The following SLC44A5 variants were observed in gnomAD, a reference collection of about 807,000 sequenced individuals.
SLC44A5 encodes the protein choline transporter-like protein 5.
A neutral mutation model predicts 101.8 loss-of-function variants in SLC44A5; 57 were observed. The observed-to-expected ratio is 0.56, with a 90% CI of 0.45 to 0.70. The LOEUF (loss-of-function observed/expected upper bound fraction) is 0.70. Among genes scored for constraint, SLC44A5 ranks in the 30% least tolerant of loss-of-function variants. The pLI is 0.00. For synonymous variants in SLC44A5, 281 were observed against 290.9 expected (o/e 0.97, Z 0.35); for missense variants, 737 against 853.1 (o/e 0.86, Z 1.70).
chr1:75,238,583 CTATTGT>C lies in SLC44A5; in HGVS notation c.580_585del (p.Thr194_Ile195del). ...CCATCTTGAAACATCATCTTACTTC[CTATTGT>C]TAAAGTGCCATTTTTGGTAGAGAAG... On this transcript the variant is annotated inframe_deletion, in exon 10 of 24. Transcript: ENST00000370859. 6.3e-7 allele frequency: 1 copy of C among 1,593,152 alleles called. No homozygotes were observed. The highest frequency in any genetic ancestry group is 8.6e-7 in the Non-Finnish European group (1 of 1,169,246).
At chr1:75,227,602 T>C (rs919330161) in intron 13 of SLC44A5, 124 bp downstream of exon 13, 3 of 676,584 alleles carry the variant, frequency 4.4e-6, no homozygotes, top group Non-Finnish European at 6.8e-6. Context: ...TATAGACACA[T>C]TACTTTTTAT....
chr1:75,396,635 C>T lies in SLC44A5; in HGVS notation c.14-14G>A. ...CTGCTGGTTTTTCTAGGAAAAAGCA[C>T]AAAAGGCAAAAAAAATATTTGTAGG... On this transcript the variant is annotated splice_polypyrimidine_tract_variant and intron_variant, in intron 2 of 23. Transcript: ENST00000370859. The T allele has an allele frequency of 1.2e-5, 20 of 1,609,006 alleles. No individual in the cohort carries two copies. The highest frequency in any genetic ancestry group is 1.7e-5 in the Non-Finnish European group (20 of 1,176,236).
chr1:75,417,368 T>C (rs1439370814), intron 2 of SLC44A5, among the ~76,000 whole-genome samples: 1 of 152,228 alleles, frequency 6.6e-6, no homozygotes, highest in Admixed American at 6.5e-5. Context: ...CATGGAACTG[T>C]AAGTCCAAAT....
At chr1:75,280,558 A>G (rs1570560403) in intron 5 of SLC44A5, among the ~76,000 whole-genome samples, 1 of 145,254 alleles carries the variant, frequency 6.9e-6, no homozygotes, top group East Asian at 2.0e-4. Context: ...CACTAGGGCT[A>G]ATTCCATATG....
At chr1:75,416,709 A>G (rs1256994893) in intron 2 of SLC44A5, among the ~76,000 whole-genome samples, 1 of 152,202 alleles carries the variant, frequency 6.6e-6, no homozygotes, top group Non-Finnish European at 1.5e-5. Flanking sequence ...GCCTAAGACC[A>G]TGGGAACCCA....
chr1:75,720,924 TGGTTAA>T, the SLC44A5 span, among the ~76,000 whole-genome samples: 3 of 152,134 alleles, frequency 2.0e-5, no homozygotes, highest in Non-Finnish European at 4.4e-5. Context: ...GGCTGACACT[TGGTTAA>T]GTTTATCTAA....
chr1:75,583,631 T>A (rs781604073), intron 1 of SLC44A5, among the ~76,000 whole-genome samples: 6 of 152,206 alleles, frequency 3.9e-5, no homozygotes, highest in Non-Finnish European at 5.9e-5. Flanking sequence ...CACACTTTGC[T>A]TCAAATTATG....
chr1:75,647,611 G>C, the SLC44A5 span, among the ~76,000 whole-genome samples: 2 of 152,180 alleles, frequency 1.3e-5, no homozygotes, highest in Non-Finnish European at 2.9e-5. Flanking sequence ...AAGCCACAGA[G>C]GCAGAGCTGC....
chr1:75,610,233 T>C (rs151243713), intron 1 of SLC44A5, among the ~76,000 whole-genome samples: 1 of 152,070 alleles, frequency 6.6e-6, no homozygotes, highest in African/African-American at 2.4e-5. Context: ...CATAGGTATA[T>C]ACATATACAT....
intron 1 of SLC44A5, among the ~76,000 whole-genome samples, chr1:75,593,136 T>G (rs1210955407): frequency 6.6e-6 from 1 of 151,814 alleles, no homozygotes; most frequent in East Asian, 1.9e-4. Flanking sequence ...AACTCAACAC[T>G]AAAGGAAAAT....
the SLC44A5 span, among the ~76,000 whole-genome samples, chr1:75,684,457 C>T: frequency 1.3e-5 from 2 of 151,998 alleles, no homozygotes; most frequent in Non-Finnish European, 2.9e-5. Context: ...CCTAGGAGCC[C>T]ATGAAATCAA....
chr1:75,560,492 T>C (rs953524542), intron 1 of SLC44A5, among the ~76,000 whole-genome samples: 1 of 152,170 alleles, frequency 6.6e-6, no homozygotes, highest in African/African-American at 2.4e-5. Context: ...AGACAAAATC[T>C]TCTAAAATTA....
the SLC44A5 span, among the ~76,000 whole-genome samples, chr1:75,647,327 T>C: frequency 2.6e-5 from 4 of 152,222 alleles, no homozygotes; most frequent in Non-Finnish European, 5.9e-5. Context: ...AGAGGATGTA[T>C]GGAAATGCCT....
chr1:75,444,473 G>GA lies in SLC44A5; in HGVS notation c.14-47853dup, dbSNP rs375395730. Among the ~76,000 whole-genome samples, 691 of 95,434 alleles carry GA rather than the reference G, an allele frequency of 7.2e-3. 5 individuals are homozygous for GA. Among genetic ancestry groups the GA allele is most frequent in the African/African-American group, 0.027 (665 of 24,770 alleles). The allele number at this position is 95,434 out of a possible 152,430, so 62.6% of individuals were successfully genotyped here. A position where few individuals can be genotyped will look rare whatever the true frequency, so the allele number is the denominator to read the frequency against. ...AAAGAAAGAAAAAGAAAAAAAGAAA[G>GA]AGAAAGAAAGAAGAAAGAAAGAAAG... is the stretch of plus-strand genomic sequence containing the variant. On this transcript the variant is annotated intron_variant, in intron 2 of 23. Transcript: ENST00000370859.
At chr1:75,701,006 C>G in the SLC44A5 span, among the ~76,000 whole-genome samples, 12 of 152,114 alleles carry the variant, frequency 7.9e-5, no homozygotes, top group Non-Finnish European at 1.6e-4. Flanking sequence ...GAAATAGAGG[C>G]AATAATTAAT....
the SLC44A5 span, among the ~76,000 whole-genome samples, chr1:75,628,747 C>T: frequency 6.6e-6 from 1 of 152,094 alleles, no homozygotes; most frequent in Non-Finnish European, 1.5e-5. Flanking sequence ...CAGAATAAAG[C>T]TTAGAACAGT....
At chr1:75,437,045 C>G (rs1437771176) in intron 2 of SLC44A5, among the ~76,000 whole-genome samples, 1 of 152,088 alleles carries the variant, frequency 6.6e-6, no homozygotes, top group East Asian at 1.9e-4. Context: ...AGGCCATCTT[C>G]TGGAATACCT....
chr1:75,696,986 T>A, the SLC44A5 span, among the ~76,000 whole-genome samples: 2 of 152,192 alleles, frequency 1.3e-5, no homozygotes, highest in South Asian at 4.1e-4. Flanking sequence ...GAAAAGGAAG[T>A]TAGGACTTTT....
intron 3 of SLC44A5, among the ~76,000 whole-genome samples, chr1:75,365,230 T>C (rs1363018595): frequency 6.6e-6 from 1 of 152,150 alleles, no homozygotes; most frequent in Admixed American, 6.6e-5. Flanking sequence ...GGCAAATGTG[T>C]GTCAAGGGGG....
Sources: gnomAD v4.1 joint callset for allele counts (sites outside exome capture counted in the v4.1 genomes callset) on GRCh38, gnomAD v4.1.1 for gene constraint, MANE v1.5 for transcripts, NCBI Gene and HGNC (gene_info 2026-07-23, HGNC 2026-07-21) for gene names.